FAM20A: variants seen among roughly 807,000 people sequenced by gnomAD.
The protein encoded by FAM20A is pseudokinase FAM20A.
Under a neutral mutation model 52.0 loss-of-function variants are expected in FAM20A, and 42 were observed. That is an observed-to-expected ratio of 0.81 (90% CI 0.63 to 1.04). The LOEUF is 1.04. Ranked by LOEUF, FAM20A falls within the 50% of genes least tolerant of loss-of-function variation. The probability of loss-of-function intolerance (pLI) is 0.00; values close to 1 mark genes in which losing one functional copy is unlikely to be tolerated. For missense variants in FAM20A, 742 were observed against 712.7 expected (o/e 1.04, Z -0.47); for synonymous variants, 304 against 298.9 (o/e 1.02, Z -0.18).
At chr17:68,546,117 C>T (rs1162547785) in intron 4 of FAM20A, among the ~76,000 whole-genome samples, 4 of 142,636 alleles carry the variant, frequency 2.8e-5, no homozygotes, top group African/African-American at 1.1e-4. Flanking sequence ...TGCAGTGAGC[C>T]GAGATTGTGC....
chr17:68,553,917 C>CACACATGCATATATACCTATAT, intron 3 of FAM20A, among the ~76,000 whole-genome samples: 1 of 115,522 alleles, frequency 8.7e-6, no homozygotes, highest in Non-Finnish European at 1.7e-5. Flanking sequence ...TACATATATA[C>CACACATGCATATATACCTATAT]ACACATATAT....
chr17:68,571,992 A>ATATATAT (rs2087557797), intron 1 of FAM20A, among the ~76,000 whole-genome samples: 3 of 10,812 alleles, frequency 2.8e-4, no homozygotes, highest in African/African-American at 1.8e-3. Context: ...ACATACATAT[A>ATATATAT]TATATATATA....
chr17:68,543,864 G>C (rs774063292), intron 4 of FAM20A, 143 bp from the exon 5 acceptor site: 1 of 752,994 alleles, frequency 1.3e-6, no homozygotes, highest in South Asian at 1.4e-5. Context: ...GGCAAGTCAG[G>C]AATGGCCTGT....
At chr17:68,568,887 G>A (rs1404786736) in intron 1 of FAM20A, among the ~76,000 whole-genome samples, 4 of 151,366 alleles carry the variant, frequency 2.6e-5, no homozygotes, top group Non-Finnish European at 5.9e-5. Context: ...GGGATTTGAC[G>A]TGGATATATT....
intron 3 of FAM20A, among the ~76,000 whole-genome samples, chr17:68,554,033 C>CAT (rs1469476124): frequency 1.9e-5 from 1 of 53,734 alleles, no homozygotes; most frequent in African/African-American, 7.6e-5. Flanking sequence ...CATATATACA[C>CAT]ACATGCATAT....
intron 1 of FAM20A, among the ~76,000 whole-genome samples, chr17:68,570,071 T>C (rs183711159): frequency 2.4e-4 from 36 of 152,308 alleles, no homozygotes; most frequent in African/African-American, 8.4e-4. Context: ...TAACAGATGT[T>C]CAATAAATAT....
chr17:68,537,796 C>T lies in FAM20A; in HGVS notation c.1362-55G>A, dbSNP rs1348934467. The T allele has an allele frequency of 3.2e-6, 5 of 1,556,924 alleles. No homozygotes were observed. Among genetic ancestry groups the T allele is most frequent in the Admixed American group, 3.8e-5 (2 of 53,010 alleles). The stretch of plus-strand genomic sequence containing the variant: ...AAGCAAATGTAAAGAAAATAACTTG[C>T]CTGAACTTCTTTCCCCACAAACAGC... On this transcript the variant is annotated intron_variant, in intron 10 of 10. Transcript: ENST00000592554. This position sits in a 1 kb window ranked among gnomAD's most constrained non-coding sequence, Gnocchi z 4.2.
chr17:68,584,352 A>C (rs71375703), intron 1 of FAM20A, among the ~76,000 whole-genome samples: 12 of 100,394 alleles, frequency 1.2e-4, no homozygotes, highest in East Asian at 4.7e-4. Context: ...CAAAACAAAA[A>C]AAAAACCCAA....
chr17:68,575,448 A>G (rs1336022745), intron 1 of FAM20A, among the ~76,000 whole-genome samples: 1 of 122,750 alleles, frequency 8.1e-6, no homozygotes, highest in Non-Finnish European at 1.6e-5. Context: ...TATATATTAT[A>G]TATTTTATAT....
chr17:68,583,360 G>C (rs2088068215), intron 1 of FAM20A, among the ~76,000 whole-genome samples: 1 of 152,034 alleles, frequency 6.6e-6, no homozygotes, highest in Non-Finnish European at 1.5e-5. Context: ...GCTCCTTCTG[G>C]GGACTCTAGG....
chr17:68,550,488 C>G (rs2086788230), intron 4 of FAM20A, among the ~76,000 whole-genome samples: 1 of 144,938 alleles, frequency 6.9e-6, no homozygotes, highest in Admixed American at 7.3e-5. Flanking sequence ...TCAGGAGATT[C>G]TTCTGCCTCA....
At chr17:68,547,808 G>A (rs1038371513) in intron 4 of FAM20A, among the ~76,000 whole-genome samples, 16 of 152,188 alleles carry the variant, frequency 1.1e-4, no homozygotes, top group African/African-American at 3.1e-4. Flanking sequence ...GTGGAGCAGC[G>A]CTTTTAGCTT....
intron 4 of FAM20A, among the ~76,000 whole-genome samples, chr17:68,547,975 G>T (rs2086646029): frequency 6.6e-6 from 1 of 152,138 alleles, no homozygotes; most frequent in Non-Finnish European, 1.5e-5. Flanking sequence ...CTCCTTTCAT[G>T]TGAACACTTA....
chr17:68,568,073 G>T (rs1423566834), intron 1 of FAM20A, among the ~76,000 whole-genome samples: 1 of 151,856 alleles, frequency 6.6e-6, no homozygotes, highest in South Asian at 2.1e-4. Context: ...TCTTACTCTG[G>T]TCAGTCATTG....
chr17:68,561,462 T>C (rs1231976286), intron 1 of FAM20A, among the ~76,000 whole-genome samples: 1 of 152,232 alleles, frequency 6.6e-6, no homozygotes, highest in Non-Finnish European at 1.5e-5. Flanking sequence ...CCATTTGTAT[T>C]TGGGTCTATT....
intron 1 of FAM20A, among the ~76,000 whole-genome samples, chr17:68,596,904 G>A (rs1264926974): frequency 6.6e-6 from 1 of 152,184 alleles, no homozygotes; most frequent in African/African-American, 2.4e-5. Context: ...AACAGTGAGT[G>A]AAGGAGGTTT....
chr17:68,555,711 A>G lies in FAM20A; in HGVS notation c.437T>C (p.Leu146Pro), dbSNP rs978270892. ...RHKMYREQMNLTSLDPPLQLR... is the reference protein window; with the variant it reads ...RHKMYREQMNPTSLDPPLQLR... ...CTGCAGTGGGGGGTCCAGGGAGGTA[A>G]GGTTCATCTGCTCTCTGTACATCTT... Residue 146 changes from leucine to proline, a missense_variant, in exon 2 of 11, where the codon CTT becomes CCT. Leu to Pro is a moderately conservative substitution (Grantham distance 98). Coordinates refer to ENST00000592554, the MANE Select transcript of FAM20A (RefSeq NM_017565.4). 6.2e-7 allele frequency: 1 copy of G among 1,613,982 alleles called. No individual in the cohort carries two copies. Among genetic ancestry groups the G allele is most frequent in the Non-Finnish European group, 8.5e-7 (1 of 1,180,026 alleles).
rs1349145345 is a variant in FAM20A, at chr17:68,600,357, G to A, written c.310C>T (p.Pro104Ser). Reference sequence around the variant, plus strand: ...GCTCCCAGGAGAGGCGGCTCCTCCGGGACGTTGTACAGCGGGTGGGCGAAG... The same window carrying A: ...GCTCCCAGGAGAGGCGGCTCCTCCGAGACGTTGTACAGCGGGTGGGCGAAG... ...ALFAHPLYNV[P>S]EEPPLLGAED... Residue 104 changes from proline (P) to serine (S), a missense_variant, in exon 1 of 11, where the codon CCG becomes TCG. Transcript: ENST00000592554. This position sits in a 1 kb window ranked among gnomAD's most constrained non-coding sequence, Gnocchi z 6.2. The A allele has an allele frequency of 5.6e-6, 9 of 1,601,678 alleles. No homozygotes were observed. In the South Asian group the frequency reaches 1.0e-4, roughly 18 times the overall value.
At chr17:68,540,624 G>C in intron 8 of FAM20A, 1 of 641,824 alleles carries the variant, frequency 1.6e-6, no homozygotes, top group South Asian at 1.5e-5. Flanking sequence ...AGGGTGAGAT[G>C]CCTGCCTTAT....
Sources: allele counts gnomAD v4.1 joint callset (sites outside exome capture counted in the v4.1 genomes callset), GRCh38; gene constraint gnomAD v4.1.1; non-coding constraint Gnocchi (gnomAD v3.1); transcripts MANE v1.5; gene names NCBI Gene and HGNC (gene_info 2026-07-23, HGNC 2026-07-21).